The following SPATA6L variants were observed in gnomAD, a reference collection of about 807,000 sequenced individuals.
SPATA6L encodes spermatogenesis associated 6-like protein.
A neutral mutation model predicts 49.2 loss-of-function variants in SPATA6L; 68 were observed. The observed-to-expected ratio is 1.38, with a 90% CI of 1.14 to 1.69. The LOEUF (loss-of-function observed/expected upper bound fraction) is 1.69. Ranked by LOEUF, SPATA6L falls within the 40% of genes most tolerant of loss-of-function variation. SPATA6L has a pLI of 0.00. For missense variants in SPATA6L, 668 were observed against 464.3 expected (o/e 1.44, Z -4.03); for synonymous variants, 198 against 165.7 (o/e 1.19, Z -1.50).
downstream of SPATA6L, among the ~76,000 whole-genome samples, chr9:4,593,365 C>G (rs1048698203): frequency 1.3e-5 from 2 of 152,058 alleles, no homozygotes; most frequent in Non-Finnish European, 2.9e-5. Context: ...AGCTGCCCAG[C>G]CTCACCTCCT....
chr9:4,647,079 G>T (rs1458560531), intron 3 of SPATA6L, among the ~76,000 whole-genome samples: 3 of 148,356 alleles, frequency 2.0e-5, no homozygotes, highest in African/African-American at 7.5e-5. Context: ...AAAAAAAAAA[G>T]CATTTCACCT....
chr9:4,626,502 C>G (rs1306445659), intron 5 of SPATA6L: 8 of 1,304,384 alleles, frequency 6.1e-6, no homozygotes, highest in Non-Finnish European at 8.1e-6. Flanking sequence ...TCAGTTTCTT[C>G]TTTAAGCTTC....
At chr9:4,621,014 C>T (rs1257410650) in intron 7 of SPATA6L, among the ~76,000 whole-genome samples, 1 of 152,212 alleles carries the variant, frequency 6.6e-6, no homozygotes, top group Non-Finnish European at 1.5e-5. Context: ...AGTCTAAGAA[C>T]ACTGGCTTAA....
At chr9:4,610,243 T>G (rs1826354750) in intron 9 of SPATA6L, among the ~76,000 whole-genome samples, 1 of 149,958 alleles carries the variant, frequency 6.7e-6, no homozygotes, top group Non-Finnish European at 1.5e-5. Context: ...ACAGATTCAA[T>G]GCCATCCCCA....
At chr9:4,663,279 T>TATGG (rs1840305729) in intron 1 of SPATA6L, 1 of 1,605,110 alleles carries the variant, frequency 6.2e-7, no homozygotes, top group Non-Finnish European at 8.5e-7. Flanking sequence ...TCTCATTGAT[T>TATGG]ATGGCACCAG....
intron 13 of SPATA6L, among the ~76,000 whole-genome samples, chr9:4,593,283 A>C (rs924148211): frequency 6.6e-6 from 1 of 152,194 alleles, no homozygotes; most frequent in African/African-American, 2.4e-5. Flanking sequence ...TTGCTCCTTC[A>C]AATTGCTGTT....
At chr9:4,647,471 A>G (rs1587404038) in intron 3 of SPATA6L, among the ~76,000 whole-genome samples, 1 of 152,126 alleles carries the variant, frequency 6.6e-6, no homozygotes, top group Non-Finnish European at 1.5e-5. Context: ...AGATGCCTGT[A>G]ATCCCAGCTA....
chr9:4,616,629 A>C (rs1828068692), intron 9 of SPATA6L, among the ~76,000 whole-genome samples: 1 of 152,202 alleles, frequency 6.6e-6, no homozygotes, highest in African/African-American at 2.4e-5. Flanking sequence ...CTTGTTGCCC[A>C]GGCTGGAATG....
intron 9 of SPATA6L, among the ~76,000 whole-genome samples, chr9:4,614,989 C>T (rs1343157743): frequency 6.6e-6 from 1 of 152,170 alleles, no homozygotes; most frequent in Non-Finnish European, 1.5e-5. Context: ...TTAGGTCAGC[C>T]AACAAAGGTC....
chr9:4,661,768 T>C lies in SPATA6L; in HGVS notation c.177+131A>G, dbSNP rs1839828618. 5 of 835,794 alleles carry C rather than the reference T, an allele frequency of 6.0e-6. No homozygotes were observed. In the African/African-American group the frequency reaches 1.5e-4, roughly 24 times the overall value. The allele number at this position is 835,794 out of a possible 1,614,324, so 51.8% of individuals were successfully genotyped here. A position where few individuals can be genotyped will look rare whatever the true frequency, so the allele number is the denominator to read the frequency against. On this transcript the variant is annotated intron_variant, in intron 2 of 11. Coordinates refer to ENST00000682582, the MANE Select transcript of SPATA6L (RefSeq NM_001353486.2). The stretch of plus-strand genomic sequence containing the variant: ...AAGTGTTCCGACTGCGGTTTTGCAT[T>C]GTGCTGAAGTGCTTTCGGATAATTT...
At chr9:4,624,471 T>TA (rs1384823002) in intron 6 of SPATA6L, among the ~76,000 whole-genome samples, 2 of 152,230 alleles carry the variant, frequency 1.3e-5, no homozygotes, top group Non-Finnish European at 2.9e-5. Context: ...CTCATGCCTG[T>TA]AATCCCAGCA....
intron 13 of SPATA6L, among the ~76,000 whole-genome samples, chr9:4,591,179 T>C (rs955504827): frequency 3.3e-5 from 5 of 152,210 alleles, no homozygotes; most frequent in Non-Finnish European, 7.3e-5. Flanking sequence ...GAAAAGGTAC[T>C]ACTCCTTCCA....
intron 4 of SPATA6L, among the ~76,000 whole-genome samples, chr9:4,630,939 T>A (rs1323937193): frequency 7.2e-5 from 11 of 152,206 alleles, no homozygotes; most frequent in Admixed American, 7.2e-4. Flanking sequence ...ATGACAAAAC[T>A]GGGAATGAAC....
At position 4,662,686 on chromosome 9, in the gene SPATA6L, G is replaced by C. The variant is rs776198696; in HGVS notation, c.40-650C>G. ...CCGTCCTTCCTGGGCATCGCCCTGC[G>C]CTCCCTGCTGGCCATCGACCTGTGG... is the stretch of plus-strand genomic sequence containing the variant. On this transcript the variant is annotated intron_variant, in intron 1 of 11. Coordinates refer to ENST00000682582, the MANE Select transcript of SPATA6L (RefSeq NM_001353486.2). The surrounding 1 kb of genome is among the most constrained non-coding windows in gnomAD (Gnocchi z 4.9). 8 of 1,600,814 alleles carry C rather than the reference G, an allele frequency of 5.0e-6. No homozygotes were observed. Among genetic ancestry groups the C allele is most frequent in the Non-Finnish European group, 6.8e-6 (8 of 1,179,894 alleles).
rs765139825 is a variant in SPATA6L at position 4,662,609 on chromosome 9, C to T, written c.40-573G>A. On this transcript the variant is annotated intron_variant, in intron 1 of 11. Transcript: ENST00000682582. The surrounding 1 kb of genome is among the most constrained non-coding windows in gnomAD (Gnocchi z 4.9). ...CCTTCCCCCTGGCCGCGGCGGGCCC[C>T]TCGCAGTCGCCCGCGCCTCCGCTGC... 3.2e-5 allele frequency: 51 copies of T among 1,595,256 alleles called. No homozygotes were observed. Among genetic ancestry groups the T allele is most frequent in the Non-Finnish European group, 4.1e-5 (48 of 1,178,154 alleles).
chr9:4,607,661 G>C (rs963658484), intron 9 of SPATA6L, among the ~76,000 whole-genome samples: 3 of 152,024 alleles, frequency 2.0e-5, no homozygotes, highest in Non-Finnish European at 4.4e-5. Flanking sequence ...ACATGGAAAG[G>C]AACAACCGGT....
intron 4 of SPATA6L, among the ~76,000 whole-genome samples, chr9:4,630,926 T>C (rs10974673): frequency 0.092 from 14,019 of 152,198 alleles, 1,073 homozygotes; most frequent in African/African-American, 0.18. Flanking sequence ...CTCATAGCCA[T>C]TCATGACAAA....
At chr9:4,606,664 CA>C (rs1825245526) in intron 9 of SPATA6L, among the ~76,000 whole-genome samples, 1 of 108,654 alleles carries the variant, frequency 9.2e-6, no homozygotes, top group Non-Finnish European at 1.8e-5. Context: ...CATCAAAGAC[CA>C]AAAGTAGATA....
At chr9:4,644,692 C>CAG (rs1834943916) in intron 3 of SPATA6L, among the ~76,000 whole-genome samples, 1 of 112,678 alleles carries the variant, frequency 8.9e-6, no homozygotes, top group Non-Finnish European at 1.9e-5. Context: ...CTCTCACACA[C>CAG]ACACACACAC....
Sources: gnomAD v4.1 joint callset for allele counts (sites outside exome capture counted in the v4.1 genomes callset) on GRCh38, gnomAD v4.1.1 for gene constraint, Gnocchi (gnomAD v3.1) non-coding constraint, MANE v1.5 for transcripts, NCBI Gene and HGNC (gene_info 2026-07-23, HGNC 2026-07-21) for gene names.